The following HDAC8 variants were observed in gnomAD, a reference collection of about 807,000 sequenced individuals.
HDAC8 encodes histone deacetylase 8, also known as histone deacetylase-like 1.
A neutral mutation model predicts 32.2 loss-of-function variants in HDAC8; 1 was observed. The observed-to-expected ratio is 0.03, with a 90% CI of 0.01 to 0.15. The LOEUF is 0.15. Ranked by LOEUF, HDAC8 falls within the 10% of genes least tolerant of loss-of-function variation. The probability of loss-of-function intolerance (pLI) is 1.00; values close to 1 mark genes in which losing one functional copy is unlikely to be tolerated. For synonymous variants in HDAC8, 108 were observed against 113.9 expected (o/e 0.95, Z 0.33); for missense variants, 117 against 300.0 (o/e 0.39, Z 4.51).
intron 4 of HDAC8, among the ~76,000 whole-genome samples, chrX:72,549,241 G>A (rs1556063084): frequency 9.0e-6 from 1 of 110,971 alleles, no homozygotes; most frequent in East Asian, 2.8e-4. Flanking sequence ...TTCCTTTGGA[G>A]GCTTTTCTTT....
At chrX:72,422,359 G>A (rs782012472) in intron 9 of HDAC8, among the ~76,000 whole-genome samples, 16 of 109,906 alleles carry the variant, frequency 1.5e-4, no homozygotes, top group East Asian at 1.4e-3. Flanking sequence ...ATTATTCTTC[G>A]TTCTTTTTTT....
chrX:72,381,293 A>T (rs782575209), intron 9 of HDAC8, among the ~76,000 whole-genome samples: 2 of 111,746 alleles, frequency 1.8e-5, no homozygotes, highest in Non-Finnish European at 3.8e-5. Flanking sequence ...TTGTCATTCT[A>T]TCATAGATCT....
At chrX:72,414,681 C>T (rs782684137) in intron 9 of HDAC8, among the ~76,000 whole-genome samples, 1 of 111,883 alleles carries the variant, frequency 8.9e-6, no homozygotes, top group African/African-American at 3.2e-5. Context: ...TTGTCCAACA[C>T]CTCCCACCCC....
intron 9 of HDAC8, among the ~76,000 whole-genome samples, chrX:72,380,145 T>A (rs2045226928): frequency 9.0e-6 from 1 of 111,381 alleles, no homozygotes; most frequent in South Asian, 3.8e-4. Context: ...TGTTGGAGGT[T>A]TTCTAAGCTC....
rs1360103794 is a variant in HDAC8 at position 72,540,907 on chromosome X, C to A, written c.437+26982G>T. The stretch of plus-strand genomic sequence containing the variant: ...CTGCCCATCTACTGCAACTTTCACG[C>A]TTGTCCATTCCCCAACAATACGAGC... On this transcript the variant is annotated intron_variant, in intron 4 of 10. Transcript: ENST00000373573. Among the ~76,000 whole-genome samples, 7 of 111,504 alleles carry A rather than the reference C, an allele frequency of 6.3e-5. No individual in the cohort carries two copies. The East Asian group carries it at 2.0e-3, about 31-fold the overall frequency.
rs782680547 is a variant in HDAC8, at chrX:72,427,748, A to G, written c.1005+34256T>C. ...ACCCTAAAACTTAAAGTATAATAAT[A>G]ATAAAATTAAAAAAAAAAGAAAATG... On this transcript the variant is annotated intron_variant, in intron 9 of 10. Coordinates refer to ENST00000373573, the MANE Select transcript of HDAC8 (RefSeq NM_018486.3). 6.3e-5 allele frequency among the ~76,000 whole-genome samples: 7 copies of G among 110,472 alleles called. No individual in the cohort carries two copies. In the South Asian group the frequency reaches 2.7e-3, roughly 43 times the overall value.
At chrX:72,527,211 A>G (rs1380264202) in intron 4 of HDAC8, among the ~76,000 whole-genome samples, 2 of 111,367 alleles carry the variant, frequency 1.8e-5, no homozygotes, top group Non-Finnish European at 3.8e-5. Context: ...TTGTTCTCTC[A>G]TGCCTTCCTA....
At chrX:72,425,157 A>T (rs957380894) in intron 9 of HDAC8, among the ~76,000 whole-genome samples, 4 of 112,001 alleles carry the variant, frequency 3.6e-5, no homozygotes, top group African/African-American at 1.3e-4. Context: ...GCACCATTTT[A>T]CATCCCCACC....
chrX:72,498,454 T>G (rs1164454404), intron 4 of HDAC8, among the ~76,000 whole-genome samples: 1 of 112,090 alleles, frequency 8.9e-6, no homozygotes, highest in Non-Finnish European at 1.9e-5. Context: ...TAGATAACTA[T>G]AGTATAGTGT....
At chrX:72,468,305 G>T (rs2048076454) in intron 7 of HDAC8, among the ~76,000 whole-genome samples, 1 of 111,182 alleles carries the variant, frequency 9.0e-6, no homozygotes, top group South Asian at 3.9e-4. Flanking sequence ...TGGCAAAAAG[G>T]GTATTGAAGC....
In HDAC8 at chrX:72,469,700, T is replaced by C. The variant is rs782583685; in HGVS notation, c.738-4969A>G. 1.1e-4 allele frequency among the ~76,000 whole-genome samples: 12 copies of C among 112,060 alleles called. No individual in the cohort carries two copies. In the South Asian group the frequency reaches 4.1e-3, roughly 38 times the overall value. On this transcript the variant is annotated intron_variant, in intron 7 of 10. Coordinates refer to ENST00000373573, the MANE Select transcript of HDAC8 (RefSeq NM_018486.3). The stretch of plus-strand genomic sequence containing the variant: ...CTTATAACTTCAATTCAACAAATTC[T>C]ACAAACATTAATTGAGTGATTAATA...
intron 9 of HDAC8, among the ~76,000 whole-genome samples, chrX:72,453,599 G>A (rs1048648995): frequency 3.6e-5 from 4 of 111,639 alleles, no homozygotes; most frequent in Non-Finnish European, 7.5e-5. Flanking sequence ...AGGTTTAGCT[G>A]GAGTCTTAGA....
intron 4 of HDAC8, among the ~76,000 whole-genome samples, chrX:72,549,676 T>C (rs1226586695): frequency 8.9e-6 from 1 of 111,804 alleles, no homozygotes; most frequent in Non-Finnish European, 1.9e-5. Context: ...CTTCACCCCA[T>C]AGGCTTCTTA....
intron 9 of HDAC8, among the ~76,000 whole-genome samples, chrX:72,398,297 T>C (rs1395739291): frequency 1.8e-5 from 2 of 111,410 alleles, no homozygotes; most frequent in East Asian, 5.6e-4. Flanking sequence ...TTCATATCTT[T>C]TACTTGCTTT....
chrX:72,466,130 G>C (rs2048010175), intron 7 of HDAC8, among the ~76,000 whole-genome samples: 1 of 111,733 alleles, frequency 8.9e-6, no homozygotes, highest in Non-Finnish European at 1.9e-5. Context: ...CCTATTAGCT[G>C]CTGCTGGGAG....
rs1171387726 is a variant in HDAC8 at position 72,570,541 on chromosome X, G to A, written c.164+1516C>T. On this transcript the variant is annotated intron_variant, in intron 2 of 10. Coordinates refer to ENST00000373573, the MANE Select transcript of HDAC8 (RefSeq NM_018486.3). ...GGAGAATCGCTTGAACCTGGGAGGC[G>A]GAGGTTGCAATGAGCCGAGATCGCG... Among the ~76,000 whole-genome samples the A allele has an allele frequency of 4.7e-5, 5 of 106,711 alleles. No homozygotes were observed. In the South Asian group the frequency reaches 1.8e-3, roughly 37 times the overall value. 92.7% of individuals were successfully genotyped at this position (106,711 alleles called of 115,157 possible). A position where few individuals can be genotyped will look rare whatever the true frequency, so the allele number is the denominator to read the frequency against.
chrX:72,422,512 C>T (rs1405185289), intron 9 of HDAC8, among the ~76,000 whole-genome samples: 1 of 111,578 alleles, frequency 9.0e-6, no homozygotes, highest in Non-Finnish European at 1.9e-5. Context: ...ACACCTCTCC[C>T]AGTCTTTAAG....
At chrX:72,352,858 A>G (rs974680167) in intron 9 of HDAC8, among the ~76,000 whole-genome samples, 26 of 111,663 alleles carry the variant, frequency 2.3e-4, no homozygotes, top group African/African-American at 8.5e-4. Context: ...GAATCATTCA[A>G]TTGGGATAAG....
chrX:72,365,843 G>A (rs1485077411), intron 9 of HDAC8, among the ~76,000 whole-genome samples: 1 of 111,652 alleles, frequency 9.0e-6, no homozygotes, highest in Non-Finnish European at 1.9e-5. Flanking sequence ...ATTTATCTCT[G>A]ATATACCCAT....
Sources: gnomAD v4.1 joint callset for allele counts (sites outside exome capture counted in the v4.1 genomes callset) on GRCh38, gnomAD v4.1.1 for gene constraint, MANE v1.5 for transcripts, NCBI Gene and HGNC (gene_info 2026-07-23, HGNC 2026-07-21) for gene names.